Variants in CACNA1A observed in about 807,000 individuals in gnomAD.
The protein encoded by CACNA1A is voltage-dependent P/Q-type calcium channel subunit alpha-1A.
In CACNA1A, 57 loss-of-function variants were observed where a neutral mutation model predicts 262.4. The ratio of observed to expected loss-of-function variants is 0.22; its 90% confidence interval spans 0.18 to 0.27. CACNA1A has a LOEUF of 0.27. Among genes scored for constraint, CACNA1A ranks in the 10% least tolerant of loss-of-function variants. The probability of loss-of-function intolerance (pLI) is 1.00; values close to 1 mark genes in which losing one functional copy is unlikely to be tolerated. For synonymous variants in CACNA1A, 1,431 were observed against 1,419.3 expected (o/e 1.01, Z -0.18); for missense variants, 2,526 against 3,562.8 (o/e 0.71, Z 7.41).
At chr19:13,504,236 G>GGA (rs1413708221) in intron 1 of CACNA1A, among the ~76,000 whole-genome samples, 3 of 152,066 alleles carry the variant, frequency 2.0e-5, no homozygotes, top group African/African-American at 7.2e-5. Flanking sequence ...CACTTCAATG[G>GGA]GCCTGGGATG....
intron 15 of CACNA1A, chr19:13,306,605 G>C (rs2057909450): frequency 6.6e-6 from 1 of 152,248 alleles, no homozygotes. Context: ...GCACTAGCCA[G>C]TCCCTAGAGG....
At chr19:13,348,831 T>C (rs1247096785) in intron 6 of CACNA1A, among the ~76,000 whole-genome samples, 3 of 151,502 alleles carry the variant, frequency 2.0e-5, no homozygotes, top group Admixed American at 1.3e-4. Context: ...CAAGACTCCA[T>C]CTCAAAACAA....
intron 3 of CACNA1A, among the ~76,000 whole-genome samples, chr19:13,393,006 T>G (rs895785674): frequency 2.0e-5 from 3 of 152,178 alleles, no homozygotes; most frequent in Non-Finnish European, 2.9e-5. Flanking sequence ...TGAGCTCAAG[T>G]GATTTGCCCC....
intron 4 of CACNA1A, chr19:13,365,680 TC>T: frequency 2.0e-6 from 1 of 495,178 alleles, no homozygotes; most frequent in East Asian, 3.2e-5. Context: ...GTTTTTTTTT[TC>T]CTTTGAGACA....
intron 2 of CACNA1A, among the ~76,000 whole-genome samples, 179 bp from the exon 3 acceptor site, chr19:13,453,194 A>C (rs1465259354): frequency 6.6e-6 from 1 of 152,178 alleles, no homozygotes; most frequent in Non-Finnish European, 1.5e-5. Flanking sequence ...TTGCGAGCAA[A>C]GCCAATGCCT....
Position 13,368,930 on chromosome 19 carries a change from C to T in CACNA1A, c.631+2758G>A, listed in dbSNP as rs553136520. Among the ~76,000 whole-genome samples the T allele has an allele frequency of 1.0e-4, 14 of 138,552 alleles. No homozygotes were observed. The South Asian group carries it at 2.0e-3, about 20-fold the overall frequency. The allele number at this position is 138,552 out of a possible 152,430, so 90.9% of individuals were successfully genotyped here. On this transcript the variant is annotated intron_variant, in intron 4 of 46. Transcript: ENST00000360228. The stretch of plus-strand genomic sequence containing the variant: ...GCGGGCGCCTGTAGTCCCAGCTACT[C>T]GGGAGGCTGAGGCAGGAGAATGGCG...
At chr19:13,457,329 CA>C (rs1191255901) in intron 1 of CACNA1A, among the ~76,000 whole-genome samples, 1 of 152,102 alleles carries the variant, frequency 6.6e-6, no homozygotes, top group Admixed American at 6.6e-5. Context: ...CTTGGTTCCT[CA>C]AAAAGTTAAT....
chr19:13,378,798 G>T (rs2059461322), intron 3 of CACNA1A, among the ~76,000 whole-genome samples: 1 of 151,698 alleles, frequency 6.6e-6, no homozygotes, highest in South Asian at 2.1e-4. Flanking sequence ...CTCCCGAGTA[G>T]CTGGGCTTAT....
At chr19:13,251,655 T>C (rs1359693589) in intron 30 of CACNA1A, among the ~76,000 whole-genome samples, 2 of 152,208 alleles carry the variant, frequency 1.3e-5, no homozygotes, top group African/African-American at 4.8e-5. Flanking sequence ...CAGGTCATGT[T>C]GATAATATTA....
chr19:13,258,102 C>T (rs956025813), intron 27 of CACNA1A: 1 of 152,200 alleles, frequency 6.6e-6, no homozygotes, highest in South Asian at 2.1e-4. Context: ...CAATATTCAA[C>T]AATTCATCCC....
At chr19:13,385,240 T>C (rs2059590544) in intron 3 of CACNA1A, among the ~76,000 whole-genome samples, 1 of 150,410 alleles carries the variant, frequency 6.6e-6, no homozygotes, top group African/African-American at 2.4e-5. Flanking sequence ...CTTTTTTTTT[T>C]TTTTTTTGAG....
At chr19:13,322,428 T>C (rs10421192) in intron 10 of CACNA1A, among the ~76,000 whole-genome samples, 30,247 of 151,910 alleles carry the variant, frequency 0.2, 3,703 homozygotes, top group East Asian at 0.37. Flanking sequence ...TTCTGGCCTC[T>C]AGAACTGTGA....
chr19:13,331,263 G>T (rs1313407325), intron 9 of CACNA1A, among the ~76,000 whole-genome samples: 2 of 152,026 alleles, frequency 1.3e-5, no homozygotes, highest in African/African-American at 4.8e-5. Flanking sequence ...TTGAGACAGA[G>T]TCTTGCTCTG....
intron 36 of CACNA1A, chr19:13,228,964 A>T: frequency 1.0e-4 from 37 of 366,816 alleles, no homozygotes; most frequent in Non-Finnish European, 1.4e-4. Context: ...GGGGAGACCC[A>T]GGGGTGTAGG....
At chr19:13,433,075 C>T (rs1050148637) in intron 3 of CACNA1A, among the ~76,000 whole-genome samples, 68 of 152,040 alleles carry the variant, frequency 4.5e-4, no homozygotes, top group African/African-American at 1.6e-3. Flanking sequence ...GGGCGGATCA[C>T]GAAGTCAGGA....
intron 5 of CACNA1A, 47 bp downstream of exon 5, chr19:13,365,270 C>T: frequency 6.5e-7 from 1 of 1,549,494 alleles, no homozygotes; most frequent in Non-Finnish European, 8.8e-7. Flanking sequence ...AAGAGCTTGT[C>T]CCTGAAGGAG....
chr19:13,376,009 C>T (rs2144578913), intron 3 of CACNA1A, among the ~76,000 whole-genome samples: 1 of 152,276 alleles, frequency 6.6e-6, no homozygotes, highest in African/African-American at 2.4e-5. Context: ...GCCTAATCCA[C>T]AGCAAGCCCA....
chr19:13,481,671 C>T (rs1254817100), intron 1 of CACNA1A, among the ~76,000 whole-genome samples: 1 of 152,024 alleles, frequency 6.6e-6, no homozygotes, highest in Admixed American at 6.6e-5. Flanking sequence ...TGCCCAGCTT[C>T]AACGTCACTT....
At chr19:13,283,584 G>A (rs1363661469) in intron 21 of CACNA1A, 188 bp from the exon 22 acceptor site, 2 of 626,264 alleles carry the variant, frequency 3.2e-6, no homozygotes, top group Non-Finnish European at 5.4e-6. Flanking sequence ...AAGGCAGAGG[G>A]GACCTCGGTG....
Sources: allele counts gnomAD v4.1 joint callset (sites outside exome capture counted in the v4.1 genomes callset), GRCh38; gene constraint gnomAD v4.1.1; transcripts MANE v1.5; gene names NCBI Gene and HGNC (gene_info 2026-07-23, HGNC 2026-07-21).